Variants in WDR59 observed in about 807,000 individuals in gnomAD.
The protein encoded by WDR59 is WD repeat domain 59, also known as GATOR2 complex protein WDR59.
WDR59 carries 100 observed loss-of-function variants against 131.2 expected under a neutral mutation model. The ratio of observed to expected loss-of-function variants is 0.76; its 90% CI spans 0.65 to 0.90. The LOEUF is 0.90. Among genes scored for constraint, WDR59 ranks in the 40% least tolerant of loss-of-function variants. The probability of loss-of-function intolerance (pLI) is 0.00; values close to 1 mark genes in which losing one functional copy is unlikely to be tolerated. For missense variants in WDR59, 1,203 were observed against 1,262.2 expected (o/e 0.95, Z 0.71); for synonymous variants, 601 against 466.2 (o/e 1.29, Z -3.72).
chr16:74,967,814 T>C (rs1350546556), intron 1 of WDR59, among the ~76,000 whole-genome samples: 2 of 144,748 alleles, frequency 1.4e-5, no homozygotes, highest in Non-Finnish European at 3.0e-5. Context: ...AGCCGAGACA[T>C]GCCACTGCAC....
At chr16:74,907,633 G>C (rs1054891770) in intron 17 of WDR59, among the ~76,000 whole-genome samples, 1 of 152,182 alleles carries the variant, frequency 6.6e-6, no homozygotes, top group African/African-American at 2.4e-5. Flanking sequence ...CAATGTCTAT[G>C]CTGATTACAC....
intron 1 of WDR59, among the ~76,000 whole-genome samples, chr16:74,973,307 G>A (rs1169740438): frequency 1.7e-5 from 2 of 121,006 alleles, no homozygotes; most frequent in Non-Finnish European, 4.2e-5. Context: ...TTTTTAGATT[G>A]GGGTTGGCGG....
intron 1 of WDR59, among the ~76,000 whole-genome samples, chr16:74,981,375 C>CAA (rs71158563): frequency 0.063 from 8,607 of 135,622 alleles, 318 homozygotes; most frequent in Middle Eastern, 0.15. Context: ...GACTCTGTCT[C>CAA]AAAAAAAAAA....
intron 17 of WDR59, chr16:74,904,409 T>C (rs982401385): frequency 2.6e-5 from 6 of 235,098 alleles, no homozygotes; most frequent in Non-Finnish European, 5.0e-5. Flanking sequence ...ATTTGGAAAA[T>C]AAATATTTTA....
intron 18 of WDR59, among the ~76,000 whole-genome samples, chr16:74,903,273 G>T (rs1965637553): frequency 6.6e-6 from 1 of 152,322 alleles, no homozygotes; most frequent in East Asian, 1.9e-4. Context: ...CATCATGTCA[G>T]CTAGAAGTCT....
At chr16:74,880,836 G>A (rs982016068) in intron 25 of WDR59, among the ~76,000 whole-genome samples, 1 of 152,222 alleles carries the variant, frequency 6.6e-6, no homozygotes, top group African/African-American at 2.4e-5. Context: ...CAAAGGTGCA[G>A]GGTCATACAG....
At chr16:74,934,280 G>A (rs2031625210) in intron 8 of WDR59, among the ~76,000 whole-genome samples, 1 of 151,828 alleles carries the variant, frequency 6.6e-6, no homozygotes, top group African/African-American at 2.4e-5. Flanking sequence ...CATAAAGACT[G>A]GCATATAACT....
rs1179690547 is a variant in WDR59, at chr16:74,893,732, G to A, written c.1947C>T (p.Ile649=). The A allele has an allele frequency of 3.7e-6, 6 of 1,614,178 alleles. No homozygotes were observed. In the South Asian group the frequency reaches 5.5e-5, roughly 15 times the overall value. ...CAGGCAGGAGGCAAGCAATATCCTGGATGATGACTTTCCCAGCAGCCTTGA... is the reference window on the plus strand; with the variant it reads ...CAGGCAGGAGGCAAGCAATATCCTGAATGATGACTTTCCCAGCAGCCTTGA... ...RQIKAAGKVI[I]QDIACLLPVH... Residue 649 remains isoleucine (I), a synonymous_variant, in exon 19 of 26, where the codon ATC becomes ATT. Coordinates refer to ENST00000262144, the MANE Select transcript of WDR59 (RefSeq NM_030581.4).
intron 7 of WDR59, among the ~76,000 whole-genome samples, chr16:74,941,624 G>C (rs1378552883): frequency 6.6e-6 from 1 of 151,680 alleles, no homozygotes; most frequent in Non-Finnish European, 1.5e-5. Context: ...AACCTGGGAG[G>C]CGTAGGTTGC....
intron 23 of WDR59, 106 bp from the exon 24 acceptor site, chr16:74,886,502 A>G: frequency 7.0e-7 from 1 of 1,422,940 alleles, no homozygotes; most frequent in Non-Finnish European, 9.4e-7. Context: ...CCCAGAAGAA[A>G]TGTTAAGCGA....
At chr16:74,937,718 T>C (rs539017036) in intron 8 of WDR59, among the ~76,000 whole-genome samples, 2 of 152,282 alleles carry the variant, frequency 1.3e-5, no homozygotes, top group Non-Finnish European at 2.9e-5. Flanking sequence ...GCCAGGCTGG[T>C]CTTGAACTCC....
In WDR59 at chr16:74,874,149, G is replaced by T; in HGVS notation, c.*60C>A. 1 of 1,427,028 alleles carries T rather than the reference G, an allele frequency of 7.0e-7. No individual in the cohort carries two copies. Among genetic ancestry groups the T allele is most frequent in the Non-Finnish European group, 9.6e-7 (1 of 1,039,970 alleles). 88.4% of individuals were successfully genotyped at this position (1,427,028 alleles called of 1,614,324 possible). A position where few individuals can be genotyped will look rare whatever the true frequency, so the allele number is the denominator to read the frequency against. On this transcript the variant is annotated 3_prime_UTR_variant, in exon 26 of 26. Coordinates refer to ENST00000262144, the MANE Select transcript of WDR59 (RefSeq NM_030581.4). ...TCTGGAGCCTCTCCCCTGACAGACA[G>T]CTTGTCACCGGCACTTATGGGTCCT...
chr16:74,900,227 GGTAA>G (rs1338613855), intron 18 of WDR59, among the ~76,000 whole-genome samples: 4 of 152,192 alleles, frequency 2.6e-5, no homozygotes, highest in South Asian at 4.2e-4. Context: ...AATTTTTTCT[GGTAA>G]GTGTTTGGGG....
At chr16:74,975,112 G>A (rs2034132987) in intron 1 of WDR59, among the ~76,000 whole-genome samples, 1 of 152,220 alleles carries the variant, frequency 6.6e-6, no homozygotes, top group Non-Finnish European at 1.5e-5. Flanking sequence ...TGTAATCCCA[G>A]CACCTTGGGA....
At chr16:74,958,713 C>T (rs971082875) in intron 2 of WDR59, among the ~76,000 whole-genome samples, 1 of 149,762 alleles carries the variant, frequency 6.7e-6, no homozygotes, top group Non-Finnish European at 1.5e-5. Flanking sequence ...AAGACAAGGG[C>T]AAGGGGTAGG....
chr16:74,909,751 T>C (rs973561727), intron 15 of WDR59, 71 bp downstream of exon 15: 47 of 1,573,564 alleles, frequency 3.0e-5, no homozygotes, highest in African/African-American at 4.1e-5. Context: ...AGAAAACCCA[T>C]GATTTTAGGG....
intron 1 of WDR59, among the ~76,000 whole-genome samples, chr16:74,971,546 C>A (rs2145217530): frequency 6.6e-6 from 1 of 151,406 alleles, no homozygotes; most frequent in South Asian, 2.1e-4. Flanking sequence ...AATTCTCCCG[C>A]CTCAGCCTCC....
At chr16:74,913,555 T>C (rs965377970) in intron 13 of WDR59, among the ~76,000 whole-genome samples, 2 of 152,124 alleles carry the variant, frequency 1.3e-5, no homozygotes, top group Admixed American at 6.6e-5. Context: ...CCTCCTAAAG[T>C]GCTGGGATTA....
At chr16:74,980,601 G>T (rs112109624) in intron 1 of WDR59, among the ~76,000 whole-genome samples, 3 of 152,102 alleles carry the variant, frequency 2.0e-5, no homozygotes, top group African/African-American at 7.2e-5. Flanking sequence ...TGATCTACCT[G>T]CCTTGGCCTC....
Sources: gnomAD v4.1 joint callset for allele counts (sites outside exome capture counted in the v4.1 genomes callset) on GRCh38, gnomAD v4.1.1 for gene constraint, MANE v1.5 for transcripts, NCBI Gene and HGNC (gene_info 2026-07-23, HGNC 2026-07-21) for gene names.